Variants in UBR7 observed in about 807,000 individuals in gnomAD.
UBR7 encodes the protein putative E3 ubiquitin-protein ligase UBR7.
UBR7 carries 22 observed loss-of-function variants against 57.0 expected under a neutral mutation model. That is an observed-to-expected ratio of 0.39 (90% CI 0.28 to 0.55). UBR7 has a LOEUF of 0.55. Among genes scored for constraint, UBR7 ranks in the 20% least tolerant of loss-of-function variants. The pLI, the probability that UBR7 is intolerant of heterozygous loss-of-function variation, is 0.69. For missense variants in UBR7, 395 were observed against 513.2 expected (o/e 0.77, Z 2.23); for synonymous variants, 167 against 179.8 (o/e 0.93, Z 0.57).
intron 9 of UBR7, among the ~76,000 whole-genome samples, chr14:93,221,202 C>T (rs1441732555): frequency 6.6e-6 from 1 of 151,952 alleles, no homozygotes; most frequent in Non-Finnish European, 1.5e-5. Context: ...CCTCTGCCTC[C>T]CAGGTTCAAG....
Position 93,215,045 on chromosome 14 carries a change from A to G in UBR7, c.495+63A>G. 3 of 1,473,696 alleles carry G rather than the reference A, an allele frequency of 2.0e-6. No homozygotes were observed. In the Admixed American group the frequency reaches 5.4e-5, roughly 26 times the overall value. The allele number at this position is 1,473,696 out of a possible 1,614,324, so 91.3% of individuals were successfully genotyped here. A position where few individuals can be genotyped will look rare whatever the true frequency, so the allele number is the denominator to read the frequency against. ...CACAAAAAGATAAAGGTTATATTTT[A>G]CATTATAATTAGTCTTCTAAAAATA... On this transcript the variant is annotated intron_variant, in intron 5 of 10. Transcript: ENST00000013070.
At chr14:93,212,490 A>C (rs914471589) in intron 4 of UBR7, among the ~76,000 whole-genome samples, 2 of 152,168 alleles carry the variant, frequency 1.3e-5, no homozygotes, top group African/African-American at 4.8e-5. Context: ...ATCCTCTTAA[A>C]AACGTCAATG....
intron 10 of UBR7, among the ~76,000 whole-genome samples, chr14:93,224,320 T>TTA (rs764595706): frequency 9.2e-5 from 14 of 152,116 alleles, no homozygotes; most frequent in Middle Eastern, 3.4e-3. Flanking sequence ...TTTTCTCAGT[T>TTA]TTTAGAGACT....
At chr14:93,224,052 T>C in intron 10 of UBR7, 1 of 1,002,068 alleles carries the variant, frequency 1.0e-6, no homozygotes, top group Non-Finnish European at 1.6e-6. Context: ...AAGATTCGCA[T>C]GTGGTAGAGG....
At chr14:93,223,709 C>CG (rs1276206644) in intron 10 of UBR7, 2 of 944,930 alleles carry the variant, frequency 2.1e-6, no homozygotes, top group African/African-American at 1.6e-5. Context: ...GCTTGATGGC[C>CG]GGCCGGCTGG....
At chr14:93,212,410 A>G (rs1566820863) in intron 4 of UBR7, among the ~76,000 whole-genome samples, 1 of 152,126 alleles carries the variant, frequency 6.6e-6, no homozygotes, top group Non-Finnish European at 1.5e-5. Flanking sequence ...CCAGTCCCCA[A>G]ACACTTTCTA....
chr14:93,222,152 G>A lies in UBR7; in HGVS notation c.1124-161G>A, dbSNP rs147560041. Among the ~76,000 whole-genome samples the A allele has an allele frequency of 9.3e-5, 14 of 150,332 alleles. 1 individual carries two copies. The East Asian group carries it at 1.8e-3, about 19-fold the overall frequency. ...AGGGTCTCATATCAACATGGTAGAC[G>A]TACAGATAATTTGGGAACGAGTTTC... On this transcript the variant is annotated intron_variant, in intron 9 of 10. Transcript: ENST00000013070.
chr14:93,215,164 C>G lies in UBR7; in HGVS notation c.496-12C>G. On this transcript the variant is annotated splice_polypyrimidine_tract_variant and intron_variant, in intron 5 of 10. Coordinates refer to ENST00000013070, the MANE Select transcript of UBR7 (RefSeq NM_175748.4). The stretch of plus-strand genomic sequence containing the variant: ...CAATCACAAGAAAATTTTTGGTGTT[C>G]TATATTCACAGCATCTTGGTGCCAT... 1 of 1,561,206 alleles carries G rather than the reference C, an allele frequency of 6.4e-7. No homozygotes were observed. Among genetic ancestry groups the G allele is most frequent in the East Asian group, 2.3e-5 (1 of 42,734 alleles).
At chr14:93,218,303 C>T (rs748468802) in intron 6 of UBR7, among the ~76,000 whole-genome samples, 1 of 151,612 alleles carries the variant, frequency 6.6e-6, no homozygotes, top group Non-Finnish European at 1.5e-5. Flanking sequence ...CCCAGCTACT[C>T]GGGTGGCTGA....
rs960455314 is a variant in UBR7 at position 93,207,264 on chromosome 14, C to T, written c.-28C>T. On this transcript the variant is annotated 5_prime_UTR_variant, in exon 1 of 11. Coordinates refer to ENST00000013070, the MANE Select transcript of UBR7 (RefSeq NM_175748.4). ...CCGCTTTTCCCGCCTCCGCCGGGGCCGAGCCGCTGTTCGGCTGACAGTTGA... is the reference window on the plus strand; with the variant it reads ...CCGCTTTTCCCGCCTCCGCCGGGGCTGAGCCGCTGTTCGGCTGACAGTTGA... 1 of 1,549,142 alleles carries T rather than the reference C, an allele frequency of 6.5e-7. No homozygotes were observed. The highest frequency in any genetic ancestry group is 8.7e-7 in the Non-Finnish European group (1 of 1,147,004).
intron 3 of UBR7, among the ~76,000 whole-genome samples, chr14:93,210,915 G>A (rs1230447306): frequency 6.6e-6 from 1 of 152,164 alleles, no homozygotes; most frequent in African/African-American, 2.4e-5. Context: ...AATATGAAAG[G>A]TTTGGGGGAG....
intron 10 of UBR7, among the ~76,000 whole-genome samples, chr14:93,225,463 C>CA (rs59667536): frequency 0.29 from 32,309 of 109,790 alleles, 4,542 homozygotes; most frequent in East Asian, 0.45. Flanking sequence ...CCCGCCTCTA[C>CA]AAAAAAAAAA....
At chr14:93,222,271 A>G in intron 9 of UBR7, 42 bp from the exon 10 acceptor site, 2 of 1,427,228 alleles carry the variant, frequency 1.4e-6, no homozygotes, top group Non-Finnish European at 2.0e-6. Context: ...TTGAAAGCAA[A>G]TGGTTTATCT....
chr14:93,222,512 A>G (rs527539164), intron 10 of UBR7, 138 bp downstream of exon 10: 49 of 707,244 alleles, frequency 6.9e-5, no homozygotes, highest in Middle Eastern at 6.8e-4. Context: ...TGGGAGGCCA[A>G]TGTGGGTGGA....
At chr14:93,213,416 T>C (rs1271275811) in intron 4 of UBR7, among the ~76,000 whole-genome samples, 10 of 151,878 alleles carry the variant, frequency 6.6e-5, no homozygotes, top group Non-Finnish European at 1.2e-4. Flanking sequence ...CATGCCATTC[T>C]CCTGCCTCAG....
intron 2 of UBR7, 28 bp from the exon 3 acceptor site, chr14:93,210,619 AT>A: frequency 6.4e-7 from 1 of 1,562,324 alleles, no homozygotes; most frequent in Non-Finnish European, 8.7e-7. Flanking sequence ...AAAAAGAAAA[AT>A]AAAATTGTTA....
chr14:93,223,995 C>G, intron 10 of UBR7: 1 of 768,736 alleles, frequency 1.3e-6, no homozygotes, highest in South Asian at 1.4e-5. Context: ...AACTGAGATA[C>G]GAAGTACCAG....
At position 93,227,381 on chromosome 14, in the gene UBR7, GTT is replaced by G; in HGVS notation, c.*349_*350del. On this transcript the variant is annotated 3_prime_UTR_variant, in exon 11 of 11. Transcript: ENST00000013070. The stretch of plus-strand genomic sequence containing the variant: ...TGTTATTTCACTCCCAGATGTGTGT[GTT>G]TTGCCACAGAGCTGTTGCCTTCCAG... The G allele has an allele frequency of 1.6e-6, 1 of 642,956 alleles. No homozygotes were observed. Among genetic ancestry groups the G allele is most frequent in the Non-Finnish European group, 2.9e-6 (1 of 349,168 alleles). The allele number at this position is 642,956 out of a possible 1,614,324, so 39.8% of individuals were successfully genotyped here.
intron 10 of UBR7, 109 bp from the exon 11 acceptor site, chr14:93,226,834 A>T: frequency 1.5e-6 from 1 of 688,176 alleles, no homozygotes; most frequent in Non-Finnish European, 2.5e-6. Flanking sequence ...AGATGTTATC[A>T]TTAACATAAT....
Sources: gnomAD v4.1 joint callset for allele counts (sites outside exome capture counted in the v4.1 genomes callset) on GRCh38, gnomAD v4.1.1 for gene constraint, MANE v1.5 for transcripts, NCBI Gene and HGNC (gene_info 2026-07-23, HGNC 2026-07-21) for gene names.